The following RNF212 variants were observed in gnomAD, a reference collection of about 807,000 sequenced individuals.
RNF212 encodes ring finger protein 212, also known as probable E3 SUMO-protein ligase RNF212.
A neutral mutation model predicts 34.7 loss-of-function variants in RNF212; 33 were observed. That is an observed-to-expected ratio of 0.95 (90% confidence interval 0.72 to 1.27). The LOEUF (loss-of-function observed/expected upper bound fraction) is 1.27, where lower values mean the gene tolerates loss of function less well. Ranked by LOEUF, RNF212 falls within the 50% of genes most tolerant of loss-of-function variation. RNF212 has a pLI of 0.00. For synonymous variants in RNF212, 140 were observed against 136.1 expected, an observed-to-expected ratio of 1.03 and a Z score of -0.20; for missense variants, 377 against 362.2, an observed-to-expected ratio of 1.04 and a Z score of -0.33.
chr4:1,073,706 C>T lies in RNF212; in HGVS notation c.511-44G>A, dbSNP rs62294718. On this transcript the variant is annotated intron_variant, in intron 8 of 9. Transcript: ENST00000433731. The stretch of plus-strand genomic sequence containing the variant: ...AACAATGGGTAAAATTCCAATATTG[C>T]GGCTTACGAGATTCGGACTCCCACT... 2.5e-4 allele frequency: 345 copies of T among 1,390,916 alleles called. 3 individuals carry two copies. The South Asian group carries it at 3.5e-3, about 14-fold the overall frequency. 86.2% of individuals were successfully genotyped at this position (1,390,916 alleles called of 1,614,324 possible).
At chr4:1,090,912 G>A (rs914254706) in intron 3 of RNF212, 74 bp from the exon 4 acceptor site, 1 of 906,138 alleles carries the variant, frequency 1.1e-6, no homozygotes, top group Non-Finnish European at 1.8e-6. Context: ...TGGGGGAGGA[G>A]GAGGCTGGAG....
At chr4:1,087,608 G>A (rs1252129772) in intron 4 of RNF212, among the ~76,000 whole-genome samples, 1 of 151,140 alleles carries the variant, frequency 6.6e-6, no homozygotes, top group Non-Finnish European at 1.5e-5. Flanking sequence ...TGGGGTAAAG[G>A]GGTGACAGAA....
At chr4:1,095,109 C>T (rs1204292745) in intron 3 of RNF212, among the ~76,000 whole-genome samples, 1 of 149,856 alleles carries the variant, frequency 6.7e-6, no homozygotes, top group Non-Finnish European at 1.5e-5. Flanking sequence ...CCCCACAGCT[C>T]CATGGTCTCA....
At chr4:1,097,128 CAGA>C (rs1723188862) in intron 2 of RNF212, among the ~76,000 whole-genome samples, 1 of 152,166 alleles carries the variant, frequency 6.6e-6, no homozygotes, top group African/African-American at 2.4e-5. Context: ...TTAGTGAGGG[CAGA>C]AGGTCACCAT....
At chr4:1,056,777 GCTT>G in intron 4 of RNF212, 12 of 904,872 alleles carry the variant, frequency 1.3e-5, no homozygotes, top group Non-Finnish European at 1.6e-5. Flanking sequence ...CAGTTAAAGA[GCTT>G]CTTTACACAC....
intron 4 of RNF212, among the ~76,000 whole-genome samples, chr4:1,089,574 T>C (rs1309616294): frequency 6.6e-6 from 1 of 152,112 alleles, no homozygotes; most frequent in Non-Finnish European, 1.5e-5. Flanking sequence ...TGTTTTGAAA[T>C]GTTAGAAGGA....
At chr4:1,089,312 C>T (rs916195839) in intron 4 of RNF212, among the ~76,000 whole-genome samples, 11 of 152,216 alleles carry the variant, frequency 7.2e-5, no homozygotes, top group Non-Finnish European at 1.3e-4. Flanking sequence ...TTAATGGCTG[C>T]CCTGCTGGGT....
In RNF212 at chr4:1,056,882, C is replaced by CG. The variant is rs572675416; in HGVS notation, n.221-380dup. On this transcript the variant is annotated intron_variant and non_coding_transcript_variant, in intron 4 of 4. Coordinates refer to the RNF212 transcript ENST00000503206. ...CAGGCTGGGGATGCTGATGGGCGGC[C>CG]GGGGGGGCAGCCTGGCCTGGGAGCC... 4,202 of 985,460 alleles carry CG rather than the reference C, an allele frequency of 4.3e-3. 5 individuals carry two copies. The highest frequency in any genetic ancestry group is 4.7e-3 in the Non-Finnish European group (3,915 of 828,002). The allele number at this position is 985,460 out of a possible 1,614,324, so 61.0% of individuals were successfully genotyped here. A position where few individuals can be genotyped will look rare whatever the true frequency, so the allele number is the denominator to read the frequency against.
intron 1 of RNF212, among the ~76,000 whole-genome samples, chr4:1,109,039 A>C: frequency 8.2e-6 from 1 of 122,186 alleles, no homozygotes. Context: ...ACAGAGTTTC[A>C]CTCTGTCACC....
In RNF212 at chr4:1,073,139, G is replaced by A. The variant is rs773596596; in HGVS notation, c.629C>T (p.Pro210Leu). Reference protein sequence around the residue: ...CFIPWLTLSKPPVPGECVISR... With the variant: ...CFIPWLTLSKLPVPGECVISR... Reference sequence around the variant, plus strand: ...AATGACACACTCTCCGGGCACAGGGGGCTTAGACAAGGTCAACCATGGGAT... The same window carrying A: ...AATGACACACTCTCCGGGCACAGGGAGCTTAGACAAGGTCAACCATGGGAT... Residue 210 changes from proline (P) to leucine (L), a missense_variant, in exon 10 of 10, where the codon CCC becomes CTC. By Grantham distance (98) the Pro-to-Leu change is moderately conservative. Coordinates refer to ENST00000433731, the MANE Select transcript of RNF212 (RefSeq NM_001131034.4). 1.9e-6 allele frequency: 3 copies of A among 1,614,162 alleles called. No individual in the cohort carries two copies. Among genetic ancestry groups the A allele is most frequent in the Non-Finnish European group, 1.7e-6 (2 of 1,180,034 alleles).
chr4:1,074,139 G>A (rs1371415327), intron 8 of RNF212, among the ~76,000 whole-genome samples: 2 of 152,078 alleles, frequency 1.3e-5, no homozygotes, highest in Non-Finnish European at 2.9e-5. Flanking sequence ...CCACGAGGCC[G>A]CTTCTGCCAC....
intron 2 of RNF212, chr4:1,101,230 C>T: frequency 6.3e-6 from 2 of 315,476 alleles, no homozygotes; most frequent in Non-Finnish European, 1.2e-5. Context: ...CATCTCTACA[C>T]ACCCCATCTT....
chr4:1,075,540 C>G (rs1178631795), intron 8 of RNF212, among the ~76,000 whole-genome samples: 1 of 152,228 alleles, frequency 6.6e-6, no homozygotes, highest in Non-Finnish European at 1.5e-5. Flanking sequence ...AAGACAGCAC[C>G]AGCCACCAGG....
At position 1,088,196 on chromosome 4, in the gene RNF212, A is replaced by G. The variant is rs1392140554; in HGVS notation, c.304-2242T>C. ...GGTTTTGACCAAAATGCTGATAGTG[A>G]TATGGATGGTGAAGTTCAGGCTGAG... On this transcript the variant is annotated intron_variant, in intron 4 of 9. Coordinates refer to ENST00000433731, the MANE Select transcript of RNF212 (RefSeq NM_001131034.4). Among the ~76,000 whole-genome samples the G allele has an allele frequency of 5.3e-5, 8 of 152,220 alleles. No individual in the cohort carries two copies. In the East Asian group the frequency reaches 1.3e-3, roughly 26 times the overall value.
At position 1,073,084 on chromosome 4, in the gene RNF212, G is replaced by A. The variant is rs147818050; in HGVS notation, c.684C>T (p.Asp228=). The A allele has an allele frequency of 4.3e-6, 7 of 1,614,072 alleles. No homozygotes were observed. The highest frequency in any genetic ancestry group is 3.3e-5 in the Admixed American group (2 of 60,008). ...GGAGGAGCAGCCAGTGAGGACAGAC[G>A]TCTATGCAGAAACATGGTGAACCTC... ...ISRGSPCFCI[D]VCPHWLLLLA... Residue 228 remains aspartate (D), a synonymous_variant, in exon 10 of 10, where the codon GAC becomes GAT. Transcript: ENST00000433731.
At chr4:1,086,014 C>T in intron 4 of RNF212, 60 bp from the exon 5 acceptor site, 2 of 1,232,910 alleles carry the variant, frequency 1.6e-6, no homozygotes, top group Non-Finnish European at 2.4e-6. Context: ...ACATGTGACC[C>T]TCTAAATTTC....
Position 1,113,427 on chromosome 4 carries a change from G to T in RNF212, c.38C>A (p.Pro13Gln). The T allele has an allele frequency of 6.2e-7, 1 of 1,607,876 alleles. No homozygotes were observed. Among genetic ancestry groups the T allele is most frequent in the East Asian group, 2.3e-5 (1 of 44,280 alleles). The change falls in exon 1 of 10, where the codon CCG (proline) becomes CAG (glutamine). Residue 13 changes from proline to glutamine, a missense_variant. Coordinates refer to ENST00000433731, the MANE Select transcript of RNF212 (RefSeq NM_001131034.4). ...NWVFCNRCFQ[P>Q]PHRTSCFSLT... ...GCTGAAGCACGACGTCCTGTGGGGC[G>T]GCTGGAAGCAGCGATTACAGAACAC... is the stretch of plus-strand genomic sequence containing the variant.
intron 3 of RNF212, chr4:1,094,082 C>A (rs1384011311): frequency 1.4e-6 from 2 of 1,405,508 alleles, no homozygotes; most frequent in East Asian, 2.5e-5. Flanking sequence ...GGGGACCTGG[C>A]TGACCACAGC....
intron 1 of RNF212, among the ~76,000 whole-genome samples, chr4:1,110,434 C>G (rs935407052): frequency 6.6e-6 from 1 of 152,072 alleles, no homozygotes; most frequent in Non-Finnish European, 1.5e-5. Flanking sequence ...TGTGCACATC[C>G]GCAGCCTAGC....
Sources: allele counts gnomAD v4.1 joint callset (sites outside exome capture counted in the v4.1 genomes callset), GRCh38; gene constraint gnomAD v4.1.1; transcripts MANE v1.5; gene names NCBI Gene and HGNC (gene_info 2026-07-23, HGNC 2026-07-21).